Variants in RAPGEF2 observed in about 807,000 individuals in gnomAD.
RAPGEF2 encodes the protein Rap guanine nucleotide exchange factor 2.
In RAPGEF2, 54 loss-of-function variants were observed where a neutral mutation model predicts 186.7. The ratio of observed to expected loss-of-function variants is 0.29; its 90% CI spans 0.23 to 0.36. RAPGEF2 has a LOEUF of 0.36. Ranked by LOEUF, RAPGEF2 falls within the 10% of genes least tolerant of loss-of-function variation. RAPGEF2 has a pLI of 1.00. For missense variants in RAPGEF2, 1,532 were observed against 2,045.0 expected (o/e 0.75, Z 4.84); for synonymous variants, 712 against 705.9 (o/e 1.01, Z -0.14).
intron 7 of RAPGEF2, among the ~76,000 whole-genome samples, chr4:159,273,457 TTAAA>T (rs1327645704): frequency 6.6e-6 from 1 of 152,110 alleles, no homozygotes; most frequent in Non-Finnish European, 1.5e-5. Flanking sequence ...ATCTTTGCCT[TTAAA>T]TATTTTTAGT....
chr4:159,302,418 G>T (rs1762779417), intron 7 of RAPGEF2, among the ~76,000 whole-genome samples: 1 of 152,074 alleles, frequency 6.6e-6, no homozygotes, highest in Non-Finnish European at 1.5e-5. Flanking sequence ...TCAGTTTATT[G>T]TTCTCTAATT....
At chr4:159,219,200 G>GTA (rs1579496437) in intron 4 of RAPGEF2, among the ~76,000 whole-genome samples, 1 of 152,030 alleles carries the variant, frequency 6.6e-6, no homozygotes, top group Non-Finnish European at 1.5e-5. Flanking sequence ...TGACATACCC[G>GTA]TATTAGTTTT....
chr4:159,140,248 T>C (rs926608676), intron 1 of RAPGEF2, among the ~76,000 whole-genome samples: 1 of 152,234 alleles, frequency 6.6e-6, no homozygotes, highest in African/African-American at 2.4e-5. Flanking sequence ...ATGGTTAGTA[T>C]AGATTCAGTA....
chr4:159,113,740 CAAAA>C (rs11311075), intron 1 of RAPGEF2, among the ~76,000 whole-genome samples: 14 of 86,636 alleles, frequency 1.6e-4, no homozygotes, highest in Admixed American at 3.7e-4. Context: ...GACTCTGTCT[CAAAA>C]AAAAAAAAAA....
intron 7 of RAPGEF2, among the ~76,000 whole-genome samples, chr4:159,271,480 A>G (rs1033561602): frequency 6.6e-6 from 1 of 152,320 alleles, no homozygotes; most frequent in East Asian, 1.9e-4. Flanking sequence ...AGCAGACACT[A>G]TATTACATAT....
At chr4:159,339,485 GT>G (rs910703156) in intron 19 of RAPGEF2, 131 bp downstream of exon 19, 759 of 1,077,120 alleles carry the variant, frequency 7.0e-4, no homozygotes, top group Middle Eastern at 9.8e-4. Context: ...TATTGTTGTT[GT>G]TTTTTTTTTC....
chr4:159,286,588 C>T (rs1760532567), intron 7 of RAPGEF2, among the ~76,000 whole-genome samples: 1 of 152,126 alleles, frequency 6.6e-6, no homozygotes, highest in South Asian at 2.1e-4. Context: ...ATGAACTAGC[C>T]CCACTTGTTC....
chr4:159,224,026 G>A (rs1474062465), intron 4 of RAPGEF2, among the ~76,000 whole-genome samples: 1 of 152,026 alleles, frequency 6.6e-6, no homozygotes, highest in East Asian at 1.9e-4. Flanking sequence ...GGCCTCCTGA[G>A]TAGCTGGAAT....
intron 10 of RAPGEF2, 150 bp downstream of exon 10, chr4:159,322,633 T>C: frequency 1.6e-6 from 1 of 634,762 alleles, no homozygotes; most frequent in Non-Finnish European, 2.7e-6. Context: ...ACCTGTTATG[T>C]CACTGTATTA....
At chr4:159,351,231 ATTAG>A in intron 26 of RAPGEF2, 10 of 1,469,124 alleles carry the variant, frequency 6.8e-6, no homozygotes, top group Non-Finnish European at 9.1e-6. Context: ...GAATCATCTC[ATTAG>A]TTAATGAAAA....
chr4:159,118,440 C>T (rs1388620216), intron 1 of RAPGEF2, among the ~76,000 whole-genome samples: 1 of 152,060 alleles, frequency 6.6e-6, no homozygotes, highest in African/African-American at 2.4e-5. Flanking sequence ...CAATGTAATA[C>T]AGAAATGAAG....
At chr4:159,126,448 T>C (rs563675488) in intron 1 of RAPGEF2, among the ~76,000 whole-genome samples, 1 of 152,208 alleles carries the variant, frequency 6.6e-6, no homozygotes, top group South Asian at 2.1e-4. Context: ...GCTTTTTGCA[T>C]ATTTTTAGTT....
chr4:159,333,300 C>T (rs753259527), intron 17 of RAPGEF2, among the ~76,000 whole-genome samples: 10 of 152,058 alleles, frequency 6.6e-5, no homozygotes, highest in South Asian at 2.1e-4. Context: ...TTTTTAAAAG[C>T]GTGTGTTTGC....
At chr4:159,159,692 C>T (rs1278149759) in intron 1 of RAPGEF2, among the ~76,000 whole-genome samples, 1 of 152,160 alleles carries the variant, frequency 6.6e-6, no homozygotes, top group African/African-American at 2.4e-5. Context: ...ATTTTAGTGA[C>T]TTTTTCTCAG....
At position 159,143,621 on chromosome 4, in the gene RAPGEF2, T is replaced by TA. The variant is rs533931649; in HGVS notation, c.69+39392dup. Among the ~76,000 whole-genome samples, 85 of 152,314 alleles carry TA rather than the reference T, an allele frequency of 5.6e-4. 1 individual carries two copies. Among genetic ancestry groups the TA allele is most frequent in the Admixed American group, 4.4e-3 (67 of 15,302 alleles). On this transcript the variant is annotated intron_variant, in intron 1 of 29. Transcript: ENST00000691494. ...TCAAATGTAATTTTTTCTTTTTTTT[T>TA]AACAGCTGCAGGGATATACACTTAA... is the stretch of plus-strand genomic sequence containing the variant.
intron 7 of RAPGEF2, chr4:159,268,314 TG>T: frequency 9.7e-7 from 1 of 1,036,252 alleles, no homozygotes; most frequent in Non-Finnish European, 1.5e-6. Flanking sequence ...AAACAGTTTT[TG>T]TAGAAGGTAT....
intron 4 of RAPGEF2, among the ~76,000 whole-genome samples, chr4:159,232,605 T>C (rs953936086): frequency 2.0e-5 from 3 of 152,198 alleles, no homozygotes; most frequent in African/African-American, 7.2e-5. Flanking sequence ...TGTACAAATA[T>C]CTGTTTGAGT....
At chr4:159,249,509 A>G (rs12507531) in intron 7 of RAPGEF2, among the ~76,000 whole-genome samples, 45,948 of 151,632 alleles carry the variant, frequency 0.3, 8,080 homozygotes, top group Non-Finnish European at 0.4. Context: ...CTTCTGGACA[A>G]AACTCTAGCA....
chr4:159,263,865 C>G (rs1267059327), intron 7 of RAPGEF2, among the ~76,000 whole-genome samples: 2 of 151,984 alleles, frequency 1.3e-5, no homozygotes, highest in Non-Finnish European at 2.9e-5. Flanking sequence ...CCTGGAAAGC[C>G]TTTGCATTAA....
Sources: allele counts gnomAD v4.1 joint callset (sites outside exome capture counted in the v4.1 genomes callset), GRCh38; gene constraint gnomAD v4.1.1; transcripts MANE v1.5; gene names NCBI Gene and HGNC (gene_info 2026-07-23, HGNC 2026-07-21).